ATAD2B: variants seen among roughly 807,000 people sequenced by gnomAD.
The protein encoded by ATAD2B is ATPase family AAA domain-containing protein 2B.
Under a neutral mutation model 167.6 loss-of-function variants are expected in ATAD2B, and 40 were observed. That is an observed-to-expected ratio of 0.24 (90% CI 0.19 to 0.31). The LOEUF is 0.31. Among genes scored for constraint, ATAD2B ranks in the 10% least tolerant of loss-of-function variants. The pLI, the probability that ATAD2B is intolerant of heterozygous loss-of-function variation, is 1.00. For synonymous variants in ATAD2B, 579 were observed against 596.5 expected, an observed-to-expected ratio of 0.97 and a Z score of 0.43; for missense variants, 1,242 against 1,757.2, an observed-to-expected ratio of 0.71 and a Z score of 5.24.
chr2:23,857,645 A>C, intron 12 of ATAD2B, 142 bp from the exon 13 acceptor site: 1 of 389,446 alleles, frequency 2.6e-6, no homozygotes, highest in Non-Finnish European at 4.6e-6. Flanking sequence ...AAATCTTACC[A>C]CCCAGTTTCC....
intron 22 of ATAD2B, among the ~76,000 whole-genome samples, chr2:23,778,458 GTA>G (rs1679502315): frequency 6.6e-6 from 1 of 152,124 alleles, no homozygotes; most frequent in South Asian, 2.1e-4. Flanking sequence ...TACATTTAAA[GTA>G]TGGTCCAGGG....
intron 21 of ATAD2B, chr2:23,785,681 T>C (rs2149402631): frequency 5.8e-6 from 1 of 171,432 alleles, no homozygotes; most frequent in South Asian, 2.0e-4. Context: ...CTGGTATTGA[T>C]TGGTTAATAC....
chr2:23,703,771 C>T, the ATAD2B span: 97 of 1,537,270 alleles, frequency 6.3e-5, no homozygotes, highest in East Asian at 3.9e-4. Flanking sequence ...TCATCCTGGG[C>T]GGGGCTTATG....
chr2:23,729,839 C>T, the ATAD2B span, among the ~76,000 whole-genome samples: 1 of 151,946 alleles, frequency 6.6e-6, no homozygotes, highest in South Asian at 2.1e-4. Flanking sequence ...TTCAATTCAC[C>T]AAGAACTCAT....
chr2:23,875,987 T>C, intron 7 of ATAD2B, 83 bp from the exon 8 acceptor site: 3 of 1,073,914 alleles, frequency 2.8e-6, no homozygotes, highest in Non-Finnish European at 4.1e-6. Flanking sequence ...TGACTTCTGC[T>C]CACTTTTTTG....
At chr2:23,722,272 A>C in the ATAD2B span, among the ~76,000 whole-genome samples, 2 of 152,250 alleles carry the variant, frequency 1.3e-5, no homozygotes, top group South Asian at 2.1e-4. Flanking sequence ...AATATACATG[A>C]AACGCCAGAA....
At chr2:23,696,289 C>G in the ATAD2B span, 1 of 1,541,366 alleles carries the variant, frequency 6.5e-7, no homozygotes, top group Admixed American at 2.0e-5. The surrounding 1 kb of genome is among the most constrained non-coding windows in gnomAD (Gnocchi z 5.5). Flanking sequence ...CCCCAGGCCC[C>G]TCCTCACCCC....
chr2:23,781,215 G>T (rs1679986142), intron 22 of ATAD2B, among the ~76,000 whole-genome samples: 1 of 151,808 alleles, frequency 6.6e-6, no homozygotes, highest in African/African-American at 2.4e-5. Flanking sequence ...CAATTTCACA[G>T]AACACCAGTA....
At chr2:23,702,261 GCC>G in the ATAD2B span, among the ~76,000 whole-genome samples, 2 of 152,092 alleles carry the variant, frequency 1.3e-5, no homozygotes, top group African/African-American at 4.8e-5. Context: ...TAATACACCT[GCC>G]CTACTGAACA....
intron 19 of ATAD2B, 90 bp from the exon 20 acceptor site, chr2:23,788,737 G>A: frequency 9.2e-7 from 1 of 1,083,210 alleles, no homozygotes; most frequent in Non-Finnish European, 1.3e-6. Context: ...TCATCTTCCA[G>A]TATCATGTTC....
At chr2:23,708,053 A>G in the ATAD2B span, 2 of 152,184 alleles carry the variant, frequency 1.3e-5, no homozygotes, top group South Asian at 2.1e-4. Context: ...TACCACTTTT[A>G]TATCTGGGAA....
the ATAD2B span, chr2:23,691,973 G>A: frequency 4.9e-6 from 6 of 1,236,266 alleles, no homozygotes; most frequent in Non-Finnish European, 6.8e-6. Context: ...GTCTGTGTGT[G>A]CACACCTGAA....
At position 23,894,421 on chromosome 2, in the gene ATAD2B, C is replaced by T. The variant is rs149922594; in HGVS notation, c.368+1398G>A. On this transcript the variant is annotated intron_variant, in intron 2 of 27. Transcript: ENST00000238789. The stretch of plus-strand genomic sequence containing the variant: ...ACTTGAACCTGGGAGACAGAGGTTG[C>T]AGTAAGCAAAGATAGCGCCATTGCA... 3.9e-3 allele frequency among the ~76,000 whole-genome samples: 585 copies of T among 149,470 alleles called. 3 individuals carry two copies. The highest frequency in any genetic ancestry group is 6.9e-3 in the Middle Eastern group (2 of 290).
chr2:23,680,625 C>G, the ATAD2B span, among the ~76,000 whole-genome samples: 6 of 152,052 alleles, frequency 3.9e-5, no homozygotes, highest in Non-Finnish European at 8.8e-5. The surrounding 1 kb of genome is among the most constrained non-coding windows in gnomAD (Gnocchi z 4.1). Context: ...GTCATGGGCT[C>G]TCTAGGCCAT....
chr2:23,690,154 G>A, the ATAD2B span: 3 of 152,278 alleles, frequency 2.0e-5, no homozygotes, highest in Non-Finnish European at 4.4e-5. Flanking sequence ...CCCTGGGAGG[G>A]CGGTGCCTGA....
At chr2:23,833,239 CAT>C (rs1011643968) in intron 14 of ATAD2B, among the ~76,000 whole-genome samples, 7 of 152,204 alleles carry the variant, frequency 4.6e-5, no homozygotes, top group African/African-American at 1.7e-4. Flanking sequence ...AGGCATTTCA[CAT>C]AGAGGTCCAA....
intron 18 of ATAD2B, among the ~76,000 whole-genome samples, chr2:23,803,649 G>A (rs1683871085): frequency 6.6e-6 from 1 of 152,258 alleles, no homozygotes; most frequent in East Asian, 1.9e-4. Context: ...CACTCCAATT[G>A]ATAATATTAA....
chr2:23,686,039 C>T, the ATAD2B span, among the ~76,000 whole-genome samples: 6 of 152,280 alleles, frequency 3.9e-5, no homozygotes, highest in Non-Finnish European at 5.9e-5. Flanking sequence ...TTGCACACAA[C>T]AGAGAAGAAC....
At chr2:23,866,387 A>G (rs1010056210) in intron 10 of ATAD2B, among the ~76,000 whole-genome samples, 1 of 152,232 alleles carries the variant, frequency 6.6e-6, no homozygotes, top group African/African-American at 2.4e-5. Context: ...CCTGGGCAAC[A>G]AGAGCGAAAC....
Sources: allele counts gnomAD v4.1 joint callset (sites outside exome capture counted in the v4.1 genomes callset), GRCh38; gene constraint gnomAD v4.1.1; non-coding constraint Gnocchi (gnomAD v3.1); transcripts MANE v1.5; gene names NCBI Gene and HGNC (gene_info 2026-07-23, HGNC 2026-07-21).